The following OPALIN variants were observed in gnomAD, a reference collection of about 807,000 sequenced individuals.
OPALIN encodes the protein transmembrane protein 10.
Under a neutral mutation model 17.8 loss-of-function variants are expected in OPALIN, and 15 were observed. That is an observed-to-expected ratio of 0.84 (90% CI 0.56 to 1.29). OPALIN has a LOEUF of 1.29. Among genes scored for constraint, OPALIN ranks in the 50% most tolerant of loss-of-function variants. The pLI is 0.00. For synonymous variants in OPALIN, 62 were observed against 63.8 expected (o/e 0.97, Z 0.14); for missense variants, 170 against 176.0 (o/e 0.97, Z 0.19).
intron 2 of OPALIN, among the ~76,000 whole-genome samples, chr10:96,353,184 A>G (rs1463558129): frequency 6.6e-6 from 1 of 152,218 alleles, no homozygotes; most frequent in African/African-American, 2.4e-5. Flanking sequence ...CATGGCCTCC[A>G]TGGCCTAATG....
chr10:96,355,082 G>C (rs1845749983), intron 2 of OPALIN, among the ~76,000 whole-genome samples, 173 bp downstream of exon 2: 1 of 125,816 alleles, frequency 7.9e-6, no homozygotes, highest in Middle Eastern at 4.9e-3. Context: ...GGGTGACAGA[G>C]CAAGACCTTG....
chr10:96,349,832 A>C lies in OPALIN; in HGVS notation c.73-6T>G, dbSNP rs779409828. On this transcript the variant is annotated splice_region_variant and splice_polypyrimidine_tract_variant and intron_variant, in intron 3 of 5. Coordinates refer to ENST00000371172, the MANE Select transcript of OPALIN (RefSeq NM_033207.5). Reference sequence around the variant, plus strand: ...CCAAGAGAGGGCCCACAGTCCTGGCACAGAATGAAAAACACAGGGTCAGAG... The same window carrying C: ...CCAAGAGAGGGCCCACAGTCCTGGCCCAGAATGAAAAACACAGGGTCAGAG... 2 of 1,610,524 alleles carry C rather than the reference A, an allele frequency of 1.2e-6. No homozygotes were observed. Among genetic ancestry groups the C allele is most frequent in the Non-Finnish European group, 1.7e-6 (2 of 1,178,842 alleles).
chr10:96,346,141 T>A (rs754247335), intron 5 of OPALIN, 24 bp from the exon 6 acceptor site: 5 of 1,606,492 alleles, frequency 3.1e-6, no homozygotes, highest in East Asian at 2.2e-5. Flanking sequence ...ATAGGTTTTT[T>A]AAAAACTACA....
chr10:96,356,652 G>C (rs1845832768), intron 1 of OPALIN, among the ~76,000 whole-genome samples: 1 of 152,176 alleles, frequency 6.6e-6, no homozygotes, highest in Admixed American at 6.5e-5. Context: ...GAATTCAGAT[G>C]GGTTAATGAA....
intron 1 of OPALIN, 133 bp from the exon 2 acceptor site, chr10:96,355,423 C>T (rs1845779324): frequency 1.4e-6 from 1 of 715,532 alleles, no homozygotes; most frequent in East Asian, 2.9e-5. Flanking sequence ...CCCCATCGTC[C>T]TGCACAGTCT....
intron 2 of OPALIN, 45 bp downstream of exon 2, chr10:96,355,210 T>C: frequency 6.3e-7 from 1 of 1,592,172 alleles, no homozygotes; most frequent in Non-Finnish European, 8.6e-7. Flanking sequence ...AATTCTGCAC[T>C]GGTCTTCTCT....
chr10:96,355,454 G>T (rs906930494), intron 1 of OPALIN, among the ~76,000 whole-genome samples, 164 bp from the exon 2 acceptor site: 1 of 152,046 alleles, frequency 6.6e-6, no homozygotes, highest in African/African-American at 2.4e-5. Context: ...AGAAGGAAGG[G>T]GAGGCAAGGA....
At chr10:96,357,639 C>T (rs150397461) in intron 1 of OPALIN, among the ~76,000 whole-genome samples, 2 of 152,314 alleles carry the variant, frequency 1.3e-5, no homozygotes, top group African/African-American at 4.8e-5. Context: ...TTGCCCACTT[C>T]ACAAGGGAAT....
chr10:96,352,688 A>G (rs1444493277), intron 2 of OPALIN, among the ~76,000 whole-genome samples: 1 of 151,922 alleles, frequency 6.6e-6, no homozygotes, highest in Admixed American at 6.6e-5. Flanking sequence ...CACTAAAAAA[A>G]AAAAAAAAAA....
At chr10:96,347,824 T>C (rs1320676323) in intron 5 of OPALIN, among the ~76,000 whole-genome samples, 1 of 152,222 alleles carries the variant, frequency 6.6e-6, no homozygotes, top group South Asian at 2.1e-4. Context: ...ATCTAAAGTA[T>C]AATATTGAAT....
intron 1 of OPALIN, among the ~76,000 whole-genome samples, chr10:96,357,548 C>T (rs548752897): frequency 4.6e-5 from 7 of 152,166 alleles, no homozygotes; most frequent in African/African-American, 1.4e-4. Flanking sequence ...CTCAAACCCT[C>T]TGGTCTCCAT....
chr10:96,356,456 C>T (rs548476725), intron 1 of OPALIN, among the ~76,000 whole-genome samples: 6 of 152,200 alleles, frequency 3.9e-5, no homozygotes, highest in African/African-American at 1.2e-4. Flanking sequence ...GCAGAGGAAA[C>T]TGAAACCCAG....
At chr10:96,356,929 C>T (rs1589395862) in intron 1 of OPALIN, 1 of 985,308 alleles carries the variant, frequency 1.0e-6, no homozygotes, top group Admixed American at 6.1e-5. Flanking sequence ...CCGGTGACAA[C>T]CTCTTTCCAC....
chr10:96,355,349 C>G (rs1344724641), intron 1 of OPALIN, 59 bp from the exon 2 acceptor site: 29 of 1,493,572 alleles, frequency 1.9e-5, no homozygotes, highest in Non-Finnish European at 2.7e-5. Context: ...TCCTTCCTCA[C>G]TTCCTCAAAC....
At chr10:96,355,096 C>CAAAAAAAAAAA (rs56995726) in intron 2 of OPALIN, among the ~76,000 whole-genome samples, 159 bp downstream of exon 2, 1 of 45,174 alleles carries the variant, frequency 2.2e-5, no homozygotes, top group African/African-American at 9.3e-5. Context: ...GACCTTGTCT[C>CAAAAAAAAAAA]AAAAAAAAAA....
intron 2 of OPALIN, among the ~76,000 whole-genome samples, chr10:96,354,819 G>A (rs1199077457): frequency 6.6e-6 from 1 of 151,828 alleles, no homozygotes; most frequent in Non-Finnish European, 1.5e-5. Context: ...TAAATGGCCG[G>A]GCACGGTGGC....
chr10:96,352,945 G>T (rs1280910182), intron 2 of OPALIN, among the ~76,000 whole-genome samples: 1 of 152,176 alleles, frequency 6.6e-6, no homozygotes, highest in Admixed American at 6.5e-5. Flanking sequence ...ACCAGCTAAT[G>T]CCATGGAGCA....
At position 96,343,552 on chromosome 10, in the gene OPALIN, G is replaced by A. The variant is rs1481694997; in HGVS notation, c.*2389C>T. 1 of 152,196 alleles carries A rather than the reference G, an allele frequency of 6.6e-6. No homozygotes were observed. The highest frequency in any genetic ancestry group is 1.5e-5 in the Non-Finnish European group (1 of 68,032). 9.4% of individuals were successfully genotyped at this position (152,196 alleles called of 1,614,324 possible). On this transcript the variant is annotated 3_prime_UTR_variant, in exon 6 of 6. Coordinates refer to ENST00000371172, the MANE Select transcript of OPALIN (RefSeq NM_033207.5). ...TCTGGATGATCAACAATCGGCCCAA[G>A]GGCTGACACCTATAAGTATCAAAGC...
intron 2 of OPALIN, among the ~76,000 whole-genome samples, chr10:96,353,966 A>G (rs1029670321): frequency 6.6e-6 from 1 of 152,210 alleles, no homozygotes; most frequent in Non-Finnish European, 1.5e-5. Flanking sequence ...CCACAGGTCC[A>G]GCAATAAGTC....
Sources: gnomAD v4.1 joint callset for allele counts (sites outside exome capture counted in the v4.1 genomes callset) on GRCh38, gnomAD v4.1.1 for gene constraint, MANE v1.5 for transcripts, NCBI Gene and HGNC (gene_info 2026-07-23, HGNC 2026-07-21) for gene names.